The following ARHGAP32 variants were observed in gnomAD, a reference collection of about 807,000 sequenced individuals.
The protein encoded by ARHGAP32 is rho GTPase-activating protein 32.
A neutral mutation model predicts 186.5 loss-of-function variants in ARHGAP32; 51 were observed. The observed-to-expected ratio is 0.27, with a 90% CI of 0.22 to 0.35. The LOEUF is 0.35. Among genes scored for constraint, ARHGAP32 ranks in the 10% least tolerant of loss-of-function variants. The probability of loss-of-function intolerance (pLI) is 1.00; values close to 1 mark genes in which losing one functional copy is unlikely to be tolerated. For missense variants in ARHGAP32, 2,186 were observed against 2,623.5 expected (o/e 0.83, Z 3.64); for synonymous variants, 950 against 964.3 (o/e 0.99, Z 0.27).
intron 1 of ARHGAP32, among the ~76,000 whole-genome samples, chr11:129,272,470 C>T (rs1945485104): frequency 6.6e-6 from 1 of 152,140 alleles, no homozygotes; most frequent in Non-Finnish European, 1.5e-5. Flanking sequence ...AGGCTACAAC[C>T]CAGAAATCAC....
intron 5 of ARHGAP32, among the ~76,000 whole-genome samples, chr11:129,097,012 T>C (rs575256980): frequency 6.1e-5 from 9 of 148,558 alleles, no homozygotes; most frequent in Non-Finnish European, 1.2e-4. Flanking sequence ...ACAAGAACAA[T>C]AAAAAACAAA....
intron 1 of ARHGAP32, among the ~76,000 whole-genome samples, chr11:129,262,942 C>T (rs1945343600): frequency 6.6e-6 from 1 of 152,112 alleles, no homozygotes; most frequent in African/African-American, 2.4e-5. Flanking sequence ...AGTATGAGTA[C>T]TAGTATATAT....
intron 1 of ARHGAP32, among the ~76,000 whole-genome samples, chr11:129,214,995 A>G (rs1289789536): frequency 6.6e-6 from 1 of 152,200 alleles, no homozygotes; most frequent in African/African-American, 2.4e-5. Context: ...AACTGCATGC[A>G]GCTGACCCCA....
intron 1 of ARHGAP32, among the ~76,000 whole-genome samples, chr11:129,243,510 A>C (rs913823395): frequency 7.2e-5 from 11 of 152,304 alleles, no homozygotes; most frequent in Admixed American, 7.2e-4. Flanking sequence ...CCCAGCTCCT[A>C]TCTCTCCTAC....
intron 13 of ARHGAP32, 29 bp downstream of exon 13, chr11:128,987,994 G>T: frequency 7.2e-7 from 1 of 1,381,746 alleles, no homozygotes; most frequent in East Asian, 2.3e-5. Context: ...AGTTAAGAAG[G>T]AGTGAAAAAG....
At chr11:129,174,342 C>A (rs867592218) in intron 1 of ARHGAP32, among the ~76,000 whole-genome samples, 1 of 152,168 alleles carries the variant, frequency 6.6e-6, no homozygotes, top group African/African-American at 2.4e-5. Flanking sequence ...GATCAAACTG[C>A]TAGGCGGCAG....
chr11:129,120,406 G>A (rs1229627705), intron 5 of ARHGAP32, among the ~76,000 whole-genome samples: 3 of 152,022 alleles, frequency 2.0e-5, no homozygotes, highest in African/African-American at 4.8e-5. Context: ...AAGTCAGTTG[G>A]ATATACAAGG....
At chr11:129,137,451 T>C (rs1251710419) in intron 2 of ARHGAP32, among the ~76,000 whole-genome samples, 2 of 151,950 alleles carry the variant, frequency 1.3e-5, no homozygotes, top group Non-Finnish European at 2.9e-5. Context: ...ATGAACTTAA[T>C]TATAAGTTGG....
At chr11:129,224,720 C>T (rs1438836029) in intron 1 of ARHGAP32, among the ~76,000 whole-genome samples, 4 of 146,728 alleles carry the variant, frequency 2.7e-5, no homozygotes, top group African/African-American at 7.6e-5. Context: ...TCCTCAAACA[C>T]GCTACTTGGA....
chr11:129,262,689 GC>G (rs1302761591), intron 1 of ARHGAP32, among the ~76,000 whole-genome samples: 13 of 151,852 alleles, frequency 8.6e-5, no homozygotes, highest in South Asian at 8.3e-4. Context: ...GGGCCACCAG[GC>G]CCAGCCCAAA....
chr11:129,168,184 T>C (rs2135496536), intron 1 of ARHGAP32, among the ~76,000 whole-genome samples: 1 of 152,304 alleles, frequency 6.6e-6, no homozygotes, highest in East Asian at 1.9e-4. Context: ...ATGTCGAGGC[T>C]GCAGTGAGCC....
At chr11:128,982,473 C>T (rs986250291) in intron 15 of ARHGAP32, among the ~76,000 whole-genome samples, 2 of 84,494 alleles carry the variant, frequency 2.4e-5, no homozygotes, top group African/African-American at 3.6e-5. Context: ...CAGGTAAGTG[C>T]CGTGTGTGTG....
intron 1 of ARHGAP32, among the ~76,000 whole-genome samples, chr11:129,182,935 A>G (rs1944086628): frequency 6.6e-6 from 1 of 152,080 alleles, no homozygotes; most frequent in Non-Finnish European, 1.5e-5. Flanking sequence ...GACATGAGTC[A>G]CTGCACCCGG....
At chr11:129,005,681 T>C (rs1197165371) in intron 11 of ARHGAP32, among the ~76,000 whole-genome samples, 1 of 152,190 alleles carries the variant, frequency 6.6e-6, no homozygotes, top group East Asian at 1.9e-4. Flanking sequence ...ATCCTTTCTT[T>C]ATCCTTGACC....
chr11:129,148,845 A>G (rs979676771), intron 2 of ARHGAP32, among the ~76,000 whole-genome samples: 1 of 152,026 alleles, frequency 6.6e-6, no homozygotes, highest in East Asian at 1.9e-4. Flanking sequence ...TCCCTGAGAA[A>G]CTATATAGAA....
intron 10 of ARHGAP32, among the ~76,000 whole-genome samples, chr11:129,055,090 A>T (rs1306933801): frequency 6.6e-6 from 1 of 152,230 alleles, no homozygotes; most frequent in East Asian, 1.9e-4. Context: ...CTGGGATTTG[A>T]TATTTAAACA....
At chr11:129,019,920 C>A (rs140752243) in intron 11 of ARHGAP32, among the ~76,000 whole-genome samples, 112 of 151,992 alleles carry the variant, frequency 7.4e-4, no homozygotes, top group Non-Finnish European at 1.4e-3. Context: ...GTTTTAATCC[C>A]GATTCTGCCA....
chr11:129,047,449 G>GT (rs201851629), intron 10 of ARHGAP32, among the ~76,000 whole-genome samples: 7 of 151,816 alleles, frequency 4.6e-5, no homozygotes, highest in Admixed American at 1.3e-4. Context: ...ACAATTCCAG[G>GT]TTTTTTTTGT....
chr11:128,966,228 A>G lies in ARHGAP32; in HGVS notation c.*2679T>C, dbSNP rs138544165. On this transcript the variant is annotated 3_prime_UTR_variant, in exon 23 of 23. Coordinates refer to ENST00000682385, the MANE Select transcript of ARHGAP32 (RefSeq NM_001378024.1). ...TAGGATTAAATCACGGGTTTAATGT[A>G]TAAGGCAGCTCCATTTCCTTGATCA... is the stretch of plus-strand genomic sequence containing the variant. The G allele has an allele frequency of 6.6e-6, 1 of 152,244 alleles. No individual in the cohort carries two copies. The highest frequency in any genetic ancestry group is 1.5e-5 in the Non-Finnish European group (1 of 68,040). 9.4% of individuals were successfully genotyped at this position (152,244 alleles called of 1,614,324 possible).
Sources: allele counts gnomAD v4.1 joint callset (sites outside exome capture counted in the v4.1 genomes callset), GRCh38; gene constraint gnomAD v4.1.1; transcripts MANE v1.5; gene names NCBI Gene and HGNC (gene_info 2026-07-23, HGNC 2026-07-21).